WDR27: variants seen among roughly 807,000 people sequenced by gnomAD.
WDR27 encodes WD repeat-containing protein 27.
In WDR27, 100 loss-of-function variants were observed where a neutral mutation model predicts 114.4. The observed-to-expected ratio is 0.87, with a 90% confidence interval of 0.74 to 1.03. The LOEUF is 1.03. WDR27 is among the 50% of genes least tolerant of loss of function. The pLI, the probability that WDR27 is intolerant of heterozygous loss-of-function variation, is 0.00. For synonymous variants in WDR27, 449 were observed against 423.1 expected (o/e 1.06, Z -0.75); for missense variants, 1,129 against 1,092.9 (o/e 1.03, Z -0.47).
chr6:169,657,984 G>T, intron 13 of WDR27: 1 of 274,930 alleles, frequency 3.6e-6, no homozygotes, highest in Non-Finnish European at 7.1e-6. Context: ...ATTGCTGAAG[G>T]TCCACTCTGC....
chr6:169,511,795 T>C (rs998426478), intron 25 of WDR27, among the ~76,000 whole-genome samples: 1 of 152,222 alleles, frequency 6.6e-6, no homozygotes, highest in Non-Finnish European at 1.5e-5. Context: ...TCATTTTATA[T>C]GGTTTTATCA....
intron 25 of WDR27, among the ~76,000 whole-genome samples, chr6:169,546,164 A>G (rs1288812535): frequency 1.3e-5 from 2 of 152,220 alleles, no homozygotes; most frequent in Non-Finnish European, 2.9e-5. Flanking sequence ...AATCACTCAC[A>G]CACACTGCTG....
At chr6:169,645,405 C>T (rs1179459573) in intron 16 of WDR27, among the ~76,000 whole-genome samples, 3 of 151,950 alleles carry the variant, frequency 2.0e-5, no homozygotes, top group Non-Finnish European at 4.4e-5. Context: ...TGTAGAAAAG[C>T]CTAGTTCACA....
In WDR27 at chr6:169,577,289, G is replaced by A. The variant is rs1009201702; in HGVS notation, c.2524-4749C>T. On this transcript the variant is annotated intron_variant, in intron 24 of 25. Coordinates refer to ENST00000448612, the MANE Select transcript of WDR27 (RefSeq NM_182552.5). ...GAGGTGGTGGCTGAGGGCGGGGTCC[G>A]GGCAGGCCCGCGCCGAGGAGGGGGC... is the stretch of plus-strand genomic sequence containing the variant. Among the ~76,000 whole-genome samples the A allele has an allele frequency of 8.5e-5, 13 of 152,238 alleles. No homozygotes were observed. The East Asian group carries it at 2.1e-3, about 25-fold the overall frequency.
chr6:169,510,758 G>A (rs901720571), intron 25 of WDR27, among the ~76,000 whole-genome samples: 3 of 151,998 alleles, frequency 2.0e-5, no homozygotes, highest in Non-Finnish European at 4.4e-5. Context: ...TTGTGCACAT[G>A]TATCCTAAAA....
chr6:169,452,614 C>T (rs1275285900), downstream of WDR27, among the ~76,000 whole-genome samples: 1 of 151,214 alleles, frequency 6.6e-6, no homozygotes, highest in Non-Finnish European at 1.5e-5. Flanking sequence ...GAGTTCAGGA[C>T]GGGCATGGCA....
At chr6:169,584,750 G>T (rs936041774) in intron 23 of WDR27, among the ~76,000 whole-genome samples, 3 of 152,042 alleles carry the variant, frequency 2.0e-5, no homozygotes, top group African/African-American at 2.4e-5. Context: ...TTTTAATCAG[G>T]TCATTTGTTT....
intron 25 of WDR27, among the ~76,000 whole-genome samples, chr6:169,570,881 C>G (rs913561657): frequency 6.6e-6 from 1 of 152,152 alleles, no homozygotes; most frequent in Non-Finnish European, 1.5e-5. Context: ...TAAGACAGGA[C>G]GCAGGCCAGG....
chr6:169,452,670 C>T (rs1209946086), downstream of WDR27, among the ~76,000 whole-genome samples: 3 of 152,176 alleles, frequency 2.0e-5, no homozygotes, highest in Non-Finnish European at 4.4e-5. Flanking sequence ...GCAAAGTGGA[C>T]AAAGCCAGGG....
At chr6:169,549,701 G>C (rs1225008654) in intron 25 of WDR27, among the ~76,000 whole-genome samples, 1 of 152,158 alleles carries the variant, frequency 6.6e-6, no homozygotes, top group Non-Finnish European at 1.5e-5. Context: ...CTAAAAAGAA[G>C]TGAGCAAGCA....
intron 23 of WDR27, among the ~76,000 whole-genome samples, chr6:169,601,550 G>C (rs917887720): frequency 2.6e-5 from 4 of 152,156 alleles, no homozygotes; most frequent in African/African-American, 7.2e-5. Flanking sequence ...CAGGATACTA[G>C]AGCGATGAGA....
chr6:169,626,296 C>A (rs980812511), intron 21 of WDR27, among the ~76,000 whole-genome samples: 2 of 152,160 alleles, frequency 1.3e-5, no homozygotes, highest in African/African-American at 4.8e-5. Flanking sequence ...GCTTTGCACA[C>A]CCACAGAGGG....
chr6:169,651,457 T>C (rs951674158), intron 14 of WDR27, among the ~76,000 whole-genome samples: 1 of 152,110 alleles, frequency 6.6e-6, no homozygotes, highest in Admixed American at 6.5e-5. Flanking sequence ...TCCTCATGGT[T>C]TCTCAGCTGC....
At chr6:169,614,620 G>T (rs779132132) in intron 21 of WDR27, among the ~76,000 whole-genome samples, 3 of 151,128 alleles carry the variant, frequency 2.0e-5, no homozygotes, top group Non-Finnish European at 4.4e-5. Context: ...CCCAGGAGGT[G>T]AAAGTTGCAG....
chr6:169,637,133 G>A (rs1337665015), intron 18 of WDR27, among the ~76,000 whole-genome samples: 1 of 152,122 alleles, frequency 6.6e-6, no homozygotes, highest in African/African-American at 2.4e-5. Context: ...TCCTACCATT[G>A]CCTTTTCTTT....
At chr6:169,637,458 T>TAC (rs777202882) in intron 18 of WDR27, among the ~76,000 whole-genome samples, 1 of 152,270 alleles carries the variant, frequency 6.6e-6, no homozygotes, top group Non-Finnish European at 1.5e-5. Flanking sequence ...TGTATGCATC[T>TAC]ATCTGCGTGT....
intron 1 of WDR27, among the ~76,000 whole-genome samples, chr6:169,690,329 C>A (rs899338053): frequency 1.6e-4 from 24 of 152,218 alleles, no homozygotes; most frequent in African/African-American, 5.8e-4. Context: ...ATTCTGCTAA[C>A]CCAGCCTCTG....
Position 169,632,262 on chromosome 6 carries a change from T to C in WDR27, c.2223+685A>G, listed in dbSNP as rs1816616085. On this transcript the variant is annotated intron_variant, in intron 21 of 25. Transcript: ENST00000448612. The stretch of plus-strand genomic sequence containing the variant: ...ATAACAAAGTCTGTTTAACCAACAT[T>C]GCAATACTTCACTTGGCAAAATGAT... Among the ~76,000 whole-genome samples the C allele has an allele frequency of 2.6e-5, 4 of 151,906 alleles. No homozygotes were observed. The South Asian group carries it at 8.3e-4, about 32-fold the overall frequency.
chr6:169,430,157 C>A, the WDR27 span, among the ~76,000 whole-genome samples: 1 of 152,266 alleles, frequency 6.6e-6, no homozygotes, highest in Admixed American at 6.5e-5. Context: ...ATGTCACGGC[C>A]CAAACTCCAT....
Sources: allele counts gnomAD v4.1 joint callset (sites outside exome capture counted in the v4.1 genomes callset), GRCh38; gene constraint gnomAD v4.1.1; transcripts MANE v1.5; gene names NCBI Gene and HGNC (gene_info 2026-07-23, HGNC 2026-07-21).